Variants in AGBL4 observed in about 807,000 individuals in gnomAD.
AGBL4 encodes the protein AGBL carboxypeptidase 4, also known as cytosolic carboxypeptidase 6.
In AGBL4, 58 loss-of-function variants were observed where a neutral mutation model predicts 66.4. That is an observed-to-expected ratio of 0.87 (90% CI 0.71 to 1.09). The LOEUF is 1.09. Ranked by LOEUF, AGBL4 falls within the 50% of genes least tolerant of loss-of-function variation. AGBL4 has a pLI of 0.00. For synonymous variants in AGBL4, 234 were observed against 222.9 expected (o/e 1.05, Z -0.44); for missense variants, 579 against 631.0 (o/e 0.92, Z 0.88).
intron 4 of AGBL4, among the ~76,000 whole-genome samples, chr1:49,232,803 T>C (rs1212319311): frequency 6.6e-6 from 1 of 151,514 alleles, no homozygotes; most frequent in African/African-American, 2.4e-5. Flanking sequence ...ATGAAAGCAA[T>C]GATATTTAGT....
At chr1:48,666,189 A>G (rs1003282305) in intron 6 of AGBL4, among the ~76,000 whole-genome samples, 4 of 152,164 alleles carry the variant, frequency 2.6e-5, no homozygotes, top group South Asian at 4.2e-4. Flanking sequence ...TGCAAAATCA[A>G]TTTAAGGTAA....
intron 3 of AGBL4, among the ~76,000 whole-genome samples, chr1:49,487,752 A>T (rs1647099927): frequency 6.6e-6 from 1 of 151,888 alleles, no homozygotes; most frequent in Non-Finnish European, 1.5e-5. Flanking sequence ...TTATCATCTT[A>T]TTTTAAAAAT....
chr1:49,909,408 G>C (rs1650598206), intron 1 of AGBL4, among the ~76,000 whole-genome samples: 1 of 152,126 alleles, frequency 6.6e-6, no homozygotes, highest in Non-Finnish European at 1.5e-5. Flanking sequence ...GATTTGAGTA[G>C]AAACCTGAAG....
At chr1:49,943,930 G>C (rs1654990093) in intron 1 of AGBL4, among the ~76,000 whole-genome samples, 1 of 152,064 alleles carries the variant, frequency 6.6e-6, no homozygotes, top group African/African-American at 2.4e-5. Context: ...AACAGACTCA[G>C]TGCTGTTGTG....
At chr1:48,893,705 A>ATAAATAAATAAAT (rs111394174) in intron 5 of AGBL4, among the ~76,000 whole-genome samples, 2 of 148,318 alleles carry the variant, frequency 1.3e-5, no homozygotes, top group Non-Finnish European at 3.0e-5. Flanking sequence ...TAAATAAATA[A>ATAAATAAATAAAT]AAAGATAAAA....
chr1:49,308,202 T>G (rs961601912), intron 3 of AGBL4, among the ~76,000 whole-genome samples: 2 of 152,124 alleles, frequency 1.3e-5, no homozygotes, highest in African/African-American at 2.4e-5. Flanking sequence ...TCTTTTTCCT[T>G]TATAAATTAC....
chr1:49,734,851 T>A (rs967966536), intron 2 of AGBL4, among the ~76,000 whole-genome samples: 2 of 152,042 alleles, frequency 1.3e-5, no homozygotes, highest in Non-Finnish European at 2.9e-5. Flanking sequence ...AAACTTATAT[T>A]ATTTTATTTC....
At chr1:49,935,594 G>C (rs1653906015) in intron 1 of AGBL4, among the ~76,000 whole-genome samples, 1 of 152,142 alleles carries the variant, frequency 6.6e-6, no homozygotes, top group Non-Finnish European at 1.5e-5. Context: ...CCCCAGTAGG[G>C]GCAGACTGAC....
intron 6 of AGBL4, among the ~76,000 whole-genome samples, chr1:48,710,699 A>G (rs548266771): frequency 9.2e-5 from 14 of 152,292 alleles, no homozygotes; most frequent in Admixed American, 7.8e-4. Flanking sequence ...GTGTGGAGGC[A>G]GGGAAACCAG....
chr1:49,207,574 CTTTCTTTCTTT>C (rs1648315616), intron 4 of AGBL4, among the ~76,000 whole-genome samples: 1 of 110,496 alleles, frequency 9.1e-6, no homozygotes, highest in African/African-American at 3.5e-5. Context: ...TTCTTTCTTT[CTTTCTTTCTTT>C]CTTTCTTTCT....
chr1:49,565,581 A>G (rs912033075), intron 3 of AGBL4, among the ~76,000 whole-genome samples: 2 of 152,180 alleles, frequency 1.3e-5, no homozygotes, highest in African/African-American at 4.8e-5. Context: ...TTGGCTGGAT[A>G]TGAAATTCTG....
chr1:49,898,892 A>AT (rs1340559007), intron 1 of AGBL4, among the ~76,000 whole-genome samples: 6 of 152,162 alleles, frequency 3.9e-5, no homozygotes, highest in Non-Finnish European at 7.4e-5. Flanking sequence ...TTACATTCTC[A>AT]TTTTTTGTGT....
chr1:48,800,949 G>C (rs370122957), intron 6 of AGBL4, among the ~76,000 whole-genome samples: 33 of 152,066 alleles, frequency 2.2e-4, no homozygotes, highest in Non-Finnish European at 3.4e-4. Flanking sequence ...GTAGGGTTAG[G>C]GGGGTCTGAG....
At chr1:49,869,640 G>T (rs1008560583) in intron 1 of AGBL4, among the ~76,000 whole-genome samples, 6 of 152,150 alleles carry the variant, frequency 3.9e-5, no homozygotes, top group African/African-American at 1.4e-4. Flanking sequence ...AATAGCTAAT[G>T]CATGCTGGGC....
At chr1:49,014,181 G>A (rs1662651509) in intron 5 of AGBL4, among the ~76,000 whole-genome samples, 1 of 152,132 alleles carries the variant, frequency 6.6e-6, no homozygotes, top group Non-Finnish European at 1.5e-5. Context: ...AAATGAAGTA[G>A]AAGGAATCTT....
chr1:48,814,741 A>G (rs1258359650), intron 6 of AGBL4, among the ~76,000 whole-genome samples: 1 of 151,886 alleles, frequency 6.6e-6, no homozygotes, highest in Non-Finnish European at 1.5e-5. Context: ...ACAGGATGTC[A>G]GTCTTTTTGA....
chr1:49,105,571 A>C (rs1348915503), intron 4 of AGBL4, among the ~76,000 whole-genome samples: 1 of 152,206 alleles, frequency 6.6e-6, no homozygotes, highest in African/African-American at 2.4e-5. Context: ...ATATGGGAGC[A>C]TCTAAGCATA....
At chr1:48,921,201 C>T (rs556412758) in intron 5 of AGBL4, among the ~76,000 whole-genome samples, 3 of 152,142 alleles carry the variant, frequency 2.0e-5, no homozygotes, top group East Asian at 3.9e-4. Flanking sequence ...GAGAAGTAGA[C>T]AAAAATATTG....
chr1:48,828,052 C>T (rs1443731683), intron 6 of AGBL4, among the ~76,000 whole-genome samples: 2 of 132,424 alleles, frequency 1.5e-5, no homozygotes, highest in Non-Finnish European at 3.3e-5. Context: ...ACAAATTAGC[C>T]GGGCATGGTG....
Sources: allele counts gnomAD v4.1 joint callset (sites outside exome capture counted in the v4.1 genomes callset), GRCh38; gene constraint gnomAD v4.1.1; transcripts MANE v1.5; gene names NCBI Gene and HGNC (gene_info 2026-07-23, HGNC 2026-07-21).